The following MFSD2A variants were observed in gnomAD, a reference collection of about 807,000 sequenced individuals.
MFSD2A encodes the protein sodium-dependent lysophosphatidylcholine symporter 1.
Under a neutral mutation model 64.7 loss-of-function variants are expected in MFSD2A, and 27 were observed. The observed-to-expected ratio is 0.42, with a 90% confidence interval of 0.31 to 0.58. The LOEUF is 0.58. MFSD2A is among the 20% of genes least tolerant of loss of function. The pLI is 0.18. For missense variants in MFSD2A, 474 were observed against 679.5 expected (o/e 0.70, Z 3.36); for synonymous variants, 258 against 273.4 (o/e 0.94, Z 0.55).
rs55730353 is a variant in MFSD2A, at chr1:39,962,653, G to A, written c.354-2558G>A. ...GGTTTCGGCAGTGGCATCCGGGGCC[G>A]GGGTCATGGCCGTGGACGGGGCCCG... On this transcript the variant is annotated intron_variant, in intron 3 of 13. Coordinates refer to ENST00000372811, the MANE Select transcript of MFSD2A (RefSeq NM_032793.5). The A allele has an allele frequency of 6.6e-4, 548 of 829,540 alleles. 4 individuals carry two copies. The highest frequency in any genetic ancestry group is 3.5e-3 in the African/African-American group (212 of 59,894). 51.4% of individuals were successfully genotyped at this position (829,540 alleles called of 1,614,324 possible).
At chr1:39,967,266 C>T (rs1645184296) in intron 9 of MFSD2A, 97 bp downstream of exon 9, 5 of 1,158,498 alleles carry the variant, frequency 4.3e-6, no homozygotes, top group Non-Finnish European at 6.3e-6. Context: ...CTCAGGCTGG[C>T]CCAAGGTCAT....
intron 3 of MFSD2A, among the ~76,000 whole-genome samples, chr1:39,962,365 C>G (rs1645062261): frequency 6.6e-6 from 1 of 152,250 alleles, no homozygotes; most frequent in Non-Finnish European, 1.5e-5. Flanking sequence ...CCTGTCCACC[C>G]ATTTGTGAAT....
intron 1 of MFSD2A, among the ~76,000 whole-genome samples, chr1:39,956,271 C>T (rs965439737): frequency 4.6e-5 from 7 of 152,188 alleles, no homozygotes; most frequent in Non-Finnish European, 1.5e-5. Context: ...CTGGGTCCGC[C>T]TGAAGCTCTG....
chr1:39,968,675 C>T lies in MFSD2A; in HGVS notation c.1459C>T (p.Leu487=). The change falls in exon 13 of 14, where the codon CTG becomes TTG. Residue 487 remains leucine, a synonymous_variant. Coordinates refer to ENST00000372811, the MANE Select transcript of MFSD2A (RefSeq NM_032793.5). This position sits in a 1 kb window ranked among gnomAD's most constrained non-coding sequence, Gnocchi z 4.4. ...APIVLILLGL[L]LFKMYPIDEE... ...CATAGTTCTCATCCTGCTGGGCCTGCTGCTCTTCAAAATGTACCCCATTGA... is the reference window on the plus strand; with the variant it reads ...CATAGTTCTCATCCTGCTGGGCCTGTTGCTCTTCAAAATGTACCCCATTGA... 3 of 1,614,188 alleles carry T rather than the reference C, an allele frequency of 1.9e-6. No homozygotes were observed. The highest frequency in any genetic ancestry group is 1.6e-4 in the Middle Eastern group (1 of 6,062).
In MFSD2A at chr1:39,964,240, T is replaced by C. The variant is rs1347001114; in HGVS notation, c.354-971T>C. The C allele has an allele frequency of 6.6e-6, 1 of 152,258 alleles. No homozygotes were observed. Among genetic ancestry groups the C allele is most frequent in the Non-Finnish European group, 1.5e-5 (1 of 68,046 alleles). The allele number at this position is 152,258 out of a possible 1,614,324, so 9.4% of individuals were successfully genotyped here. ...TATATAACTTTTAAATTATGTCAAC[T>C]TTTCTGTTTGCCAACTAGTATGTAA... On this transcript the variant is annotated intron_variant, in intron 3 of 13. Coordinates refer to ENST00000372811, the MANE Select transcript of MFSD2A (RefSeq NM_032793.5). The surrounding 1 kb of genome is among the most constrained non-coding windows in gnomAD (Gnocchi z 4.1).
intron 8 of MFSD2A, 48 bp from the exon 9 acceptor site, chr1:39,967,038 C>T (rs764941065): frequency 1.2e-6 from 2 of 1,610,670 alleles, no homozygotes; most frequent in Non-Finnish European, 1.7e-6. Flanking sequence ...TCAGCCCCAA[C>T]ATCACCTCCT....
Position 39,968,480 on chromosome 1 carries a change from G to T in MFSD2A, c.1352+3G>T. The T allele has an allele frequency of 6.2e-7, 1 of 1,614,216 alleles. No individual in the cohort carries two copies. Among genetic ancestry groups the T allele is most frequent in the Non-Finnish European group, 8.5e-7 (1 of 1,180,032 alleles). ...GGCATTTCTACCCTCAGTCTGGAGT[G>T]AGTGGGGTGGGGACCTGGGGCAGGA... is the stretch of plus-strand genomic sequence containing the variant. On this transcript the variant is annotated splice_donor_region_variant and intron_variant, in intron 12 of 13. Coordinates refer to ENST00000372811, the MANE Select transcript of MFSD2A (RefSeq NM_032793.5). This position sits in a 1 kb window ranked among gnomAD's most constrained non-coding sequence, Gnocchi z 4.4.
Position 39,955,799 on chromosome 1 carries a change from C to G in MFSD2A, c.93+414C>G. 1 of 380,696 alleles carries G rather than the reference C, an allele frequency of 2.6e-6. No homozygotes were observed. 23.6% of individuals were successfully genotyped at this position (380,696 alleles called of 1,614,324 possible). A position where few individuals can be genotyped will look rare whatever the true frequency, so the allele number is the denominator to read the frequency against. ...ACCCACCTACTCTTGCGCCTCAACT[C>G]TGCTGTTAGGGCCGCTCAAGTTCAT... On this transcript the variant is annotated intron_variant, in intron 1 of 13. Coordinates refer to ENST00000372811, the MANE Select transcript of MFSD2A (RefSeq NM_032793.5). This position sits in a 1 kb window ranked among gnomAD's most constrained non-coding sequence, Gnocchi z 5.9.
At chr1:39,966,305 T>C (rs2124776935) in intron 6 of MFSD2A, among the ~76,000 whole-genome samples, 1 of 152,248 alleles carries the variant, frequency 6.6e-6, no homozygotes, top group East Asian at 1.9e-4. Context: ...CCTTTTATTA[T>C]TATTTGTAGA....
rs912095480 is a variant in MFSD2A at position 39,964,408 on chromosome 1, T to C, written c.354-803T>C. 1.3e-5 allele frequency: 2 copies of C among 152,254 alleles called. No homozygotes were observed. Among genetic ancestry groups the C allele is most frequent in the Non-Finnish European group, 2.9e-5 (2 of 68,046 alleles). The allele number at this position is 152,254 out of a possible 1,614,324, so 9.4% of individuals were successfully genotyped here. A position where few individuals can be genotyped will look rare whatever the true frequency, so the allele number is the denominator to read the frequency against. On this transcript the variant is annotated intron_variant, in intron 3 of 13. Coordinates refer to ENST00000372811, the MANE Select transcript of MFSD2A (RefSeq NM_032793.5). The surrounding 1 kb of genome is among the most constrained non-coding windows in gnomAD (Gnocchi z 4.1). ...AATAACTTCCCAAGACTAAGTTTTATAGTTAGTTGGTGGAGCTAGAATGGA... is the reference window on the plus strand; with the variant it reads ...AATAACTTCCCAAGACTAAGTTTTACAGTTAGTTGGTGGAGCTAGAATGGA...
At chr1:39,957,007 A>C in intron 1 of MFSD2A, 80 bp from the exon 2 acceptor site, 1 of 1,443,992 alleles carries the variant, frequency 6.9e-7, no homozygotes. Context: ...AGAGCTGGCC[A>C]GAGGGATGGT....
In MFSD2A at chr1:39,965,081, A is replaced by G. The variant is rs1378120002; in HGVS notation, c.354-130A>G. ...GAGGCCCAGGATGGGTGGATTTGGC[A>G]GGAGTATGGGGAAGGAAGGAAGAGC... On this transcript the variant is annotated intron_variant, in intron 3 of 13. Coordinates refer to ENST00000372811, the MANE Select transcript of MFSD2A (RefSeq NM_032793.5). The surrounding 1 kb of genome is among the most constrained non-coding windows in gnomAD (Gnocchi z 5.5). 7.7e-7 allele frequency: 1 copy of G among 1,297,242 alleles called. No individual in the cohort carries two copies. Among genetic ancestry groups the G allele is most frequent in the East Asian group, 2.5e-5 (1 of 40,786 alleles). 80.4% of individuals were successfully genotyped at this position (1,297,242 alleles called of 1,614,324 possible). A position where few individuals can be genotyped will look rare whatever the true frequency, so the allele number is the denominator to read the frequency against.
In MFSD2A at chr1:39,955,341, C is replaced by T; in HGVS notation, c.49C>T (p.Pro17Ser). 6.9e-7 allele frequency: 1 copy of T among 1,451,694 alleles called. No individual in the cohort carries two copies. Among genetic ancestry groups the T allele is most frequent in the East Asian group, 2.6e-5 (1 of 38,030 alleles). The allele number at this position is 1,451,694 out of a possible 1,614,324, so 89.9% of individuals were successfully genotyped here. A position where few individuals can be genotyped will look rare whatever the true frequency, so the allele number is the denominator to read the frequency against. The change falls in exon 1 of 14, where the codon CCC (proline) becomes TCC (serine). Residue 17 changes from proline (P) to serine (S), a missense_variant. Physicochemically the swap from Pro to Ser is moderately conservative, Grantham distance 74. Coordinates refer to ENST00000372811, the MANE Select transcript of MFSD2A (RefSeq NM_032793.5). The surrounding 1 kb of genome is among the most constrained non-coding windows in gnomAD (Gnocchi z 5.9). ...GAGCGGCTCCGCGGCGGGGCTGCTA[C>T]CCACCAGCATCCTCCAAAGCACTGA... ...AESGSAAGLL[P>S]TSILQSTERP...
At position 39,967,680 on chromosome 1, in the gene MFSD2A, G is replaced by T; in HGVS notation, c.1064G>T (p.Gly355Val). 6.2e-7 allele frequency: 1 copy of T among 1,614,160 alleles called. No individual in the cohort carries two copies. ...PIWQWFLTRFGKKTAVYVGIS... is the reference protein window; with the variant it reads ...PIWQWFLTRFVKKTAVYVGIS... ...TGGCAGTGGTTCTTGACCCGGTTTG[G>T]CAAGAAGACAGCTGTATATGTTGGG... The change falls in exon 10 of 14, where the codon GGC (glycine) becomes GTC (valine). Residue 355 changes from glycine (G) to valine (V), a missense_variant. Physicochemically the swap from Gly to Val is moderately radical, Grantham distance 109 (BLOSUM62 -3). Transcript: ENST00000372811.
rs1644950322 is a variant in MFSD2A, at chr1:39,957,235, G to A, written c.228+14G>A. 1 of 1,536,458 alleles carries A rather than the reference G, an allele frequency of 6.5e-7. No homozygotes were observed. The highest frequency in any genetic ancestry group is 8.8e-7 in the Non-Finnish European group (1 of 1,140,424). ...GATGTGGCTCAGGTGAGTGGTCTAA[G>A]CCTTCGAGGGCTCCTTCAGCATCCT... On this transcript the variant is annotated intron_variant, in intron 2 of 13. Coordinates refer to ENST00000372811, the MANE Select transcript of MFSD2A (RefSeq NM_032793.5).
Position 39,955,380 on chromosome 1 carries a change from G to A in MFSD2A, c.88G>A (p.Val30Met). 8.0e-6 allele frequency: 12 copies of A among 1,505,354 alleles called. No homozygotes were observed. Among genetic ancestry groups the A allele is most frequent in the Non-Finnish European group, 9.8e-6 (11 of 1,128,086 alleles). The allele number at this position is 1,505,354 out of a possible 1,614,324, so 93.2% of individuals were successfully genotyped here. Residue 30 changes from valine to methionine, a missense_variant, in exon 1 of 14, where the codon GTG (valine) becomes ATG (methionine). By Grantham distance (21) the Val-to-Met change is conservative. Coordinates refer to ENST00000372811, the MANE Select transcript of MFSD2A (RefSeq NM_032793.5). This position sits in a 1 kb window ranked among gnomAD's most constrained non-coding sequence, Gnocchi z 5.9. ...ILQSTERPAQ[V>M]KKEPKKKKQQ... ...CCAAAGCACTGAACGCCCGGCCCAG[G>A]TGAAGGTGAGGGCCCGGCACCCCGC...
At chr1:39,959,394 C>T (rs530618009) in intron 3 of MFSD2A, among the ~76,000 whole-genome samples, 113 of 151,834 alleles carry the variant, frequency 7.4e-4, no homozygotes, top group African/African-American at 2.5e-3. Flanking sequence ...ACTACAGGCA[C>T]GTGCCACCAC....
At chr1:39,961,594 G>A (rs966919473) in intron 3 of MFSD2A, among the ~76,000 whole-genome samples, 4 of 152,074 alleles carry the variant, frequency 2.6e-5, no homozygotes, top group Admixed American at 6.6e-5. Flanking sequence ...TGATCTGCCC[G>A]CCTCGGCCTC....
chr1:39,959,085 C>T (rs939807036), intron 3 of MFSD2A, among the ~76,000 whole-genome samples: 6 of 152,144 alleles, frequency 3.9e-5, no homozygotes, highest in African/African-American at 1.4e-4. Flanking sequence ...TCCACTCATT[C>T]CCCTTGGTGA....
Sources: allele counts gnomAD v4.1 joint callset (sites outside exome capture counted in the v4.1 genomes callset), GRCh38; gene constraint gnomAD v4.1.1; non-coding constraint Gnocchi (gnomAD v3.1); transcripts MANE v1.5; gene names NCBI Gene and HGNC (gene_info 2026-07-23, HGNC 2026-07-21).